Variants in CLASP1 observed in about 807,000 individuals in gnomAD.
The protein encoded by CLASP1 is cytoplasmic linker associated protein 1, also known as CLIP-associating protein 1.
In CLASP1, 38 loss-of-function variants were observed where a neutral mutation model predicts 192.3. The observed-to-expected ratio is 0.20, with a 90% CI of 0.15 to 0.26. The LOEUF is 0.26. CLASP1 is among the 10% of genes least tolerant of loss of function. CLASP1 has a pLI of 1.00. For missense variants in CLASP1, 1,433 were observed against 1,932.5 expected (o/e 0.74, Z 4.85); for synonymous variants, 691 against 712.8 (o/e 0.97, Z 0.49).
At chr2:121,413,273 C>CA (rs532114564) in intron 23 of CLASP1, among the ~76,000 whole-genome samples, 40 of 151,858 alleles carry the variant, frequency 2.6e-4, no homozygotes, top group African/African-American at 9.2e-4. Flanking sequence ...AAACAAAAAA[C>CA]AAAAACAAAC....
At chr2:121,370,094 A>C (rs2068296357) in intron 34 of CLASP1, among the ~76,000 whole-genome samples, 1 of 152,182 alleles carries the variant, frequency 6.6e-6, no homozygotes, top group Non-Finnish European at 1.5e-5. Context: ...CTTTCTCCCT[A>C]TGTTGAATGT....
At position 121,387,166 on chromosome 2, in the gene CLASP1, G is replaced by A. The variant is rs376854683; in HGVS notation, c.3330C>T (p.Pro1110=). 44 of 1,613,626 alleles carry A rather than the reference G, an allele frequency of 2.7e-5. No homozygotes were observed. In the African/African-American group the frequency reaches 5.5e-4, roughly 20 times the overall value. The change falls in exon 32 of 40, where the codon CCC becomes CCT. Residue 1110 remains proline, a synonymous_variant. Transcript: ENST00000263710. ...GGGAACAGTTGGTGGGTGAGGTCAGGGGGCTGGTCCTGCTGCTGGTGTGTC... is the reference window on the plus strand; with the variant it reads ...GGGAACAGTTGGTGGGTGAGGTCAGAGGGCTGGTCCTGCTGCTGGTGTGTC...
At chr2:121,408,595 C>T (rs866835877) in intron 24 of CLASP1, among the ~76,000 whole-genome samples, 1 of 152,252 alleles carries the variant, frequency 6.6e-6, no homozygotes. Context: ...ACTGTTCTGC[C>T]TTAAGCTTAT....
chr2:121,383,279 G>A (rs961700104), intron 32 of CLASP1, among the ~76,000 whole-genome samples: 1 of 152,220 alleles, frequency 6.6e-6, no homozygotes, highest in African/African-American at 2.4e-5. Context: ...GCCTCTGCAT[G>A]CTAGTCTCCC....
In CLASP1 at chr2:121,488,018, T is replaced by C. The variant is rs540585517; in HGVS notation, c.712+15149A>G. 1.8e-4 allele frequency among the ~76,000 whole-genome samples: 28 copies of C among 152,306 alleles called. 1 individual carries two copies. The highest frequency in any genetic ancestry group is 6.5e-4 in the African/African-American group (27 of 41,542). On this transcript the variant is annotated intron_variant, in intron 8 of 39. Transcript: ENST00000263710. The stretch of plus-strand genomic sequence containing the variant: ...CCCACTGTTGTTTTGTTTTGCTTTT[T>C]CTTTGATTTTTTCAACCACTTCCTT...
intron 37 of CLASP1, among the ~76,000 whole-genome samples, chr2:121,361,417 T>C (rs937384817): frequency 6.6e-6 from 1 of 152,258 alleles, no homozygotes; most frequent in Non-Finnish European, 1.5e-5. Flanking sequence ...TTAAAAAAGT[T>C]AGCACATGCC....
intron 2 of CLASP1, chr2:121,531,125 T>C (rs1575727487): frequency 3.2e-6 from 2 of 625,268 alleles, no homozygotes; most frequent in South Asian, 1.7e-5. Flanking sequence ...GTGTCGCAAG[T>C]AAAGTTCTTT....
chr2:121,457,825 T>C, intron 13 of CLASP1, 68 bp from the exon 14 acceptor site: 1 of 1,132,580 alleles, frequency 8.8e-7, no homozygotes, highest in Non-Finnish European at 1.3e-6. Context: ...ATTAAGAGAA[T>C]CACTTCCTTA....
chr2:121,474,575 A>G (rs904565877), intron 8 of CLASP1, among the ~76,000 whole-genome samples: 7 of 152,172 alleles, frequency 4.6e-5, no homozygotes, highest in South Asian at 4.1e-4. Flanking sequence ...TCTCTACTAA[A>G]CATACAAAAA....
At chr2:121,577,754 A>G (rs1375501731) in intron 2 of CLASP1, among the ~76,000 whole-genome samples, 1 of 152,208 alleles carries the variant, frequency 6.6e-6, no homozygotes, top group Non-Finnish European at 1.5e-5. Context: ...CAATTATCAC[A>G]AGATCTGGCA....
chr2:121,646,237 C>T (rs1257332334), intron 1 of CLASP1, among the ~76,000 whole-genome samples: 1 of 152,154 alleles, frequency 6.6e-6, no homozygotes, highest in Non-Finnish European at 1.5e-5. Flanking sequence ...CTCATCCCCC[C>T]AAGTAGTTGG....
In CLASP1 at chr2:121,357,017, G is replaced by A. The variant is rs192911547; in HGVS notation, c.4206+6155C>T. On this transcript the variant is annotated intron_variant, in intron 37 of 39. Transcript: ENST00000263710. ...CATCAGATGGGAAGCTGGGCAGCAC[G>A]TTTAAGGCTTCTCTTTGGCATTCTA... 2.1e-3 allele frequency among the ~76,000 whole-genome samples: 325 copies of A among 152,286 alleles called. 1 individual carries two copies. The highest frequency in any genetic ancestry group is 7.3e-3 in the African/African-American group (305 of 41,558).
Position 121,611,710 on chromosome 2 carries a change from G to A in CLASP1, c.-285-5530C>T, listed in dbSNP as rs567653989. ...GGAGTTGGAGGAGTTACAGGAGGAA[G>A]AAGAACTGGAGGAGGAGGTGTTGGA... is the stretch of plus-strand genomic sequence containing the variant. On this transcript the variant is annotated intron_variant, in intron 1 of 39. Transcript: ENST00000263710. Among the ~76,000 whole-genome samples the A allele has an allele frequency of 4.0e-4, 60 of 149,148 alleles. 1 individual carries two copies. Among genetic ancestry groups the A allele is most frequent in the Admixed American group, 3.7e-3 (56 of 14,956 alleles).
intron 8 of CLASP1, among the ~76,000 whole-genome samples, chr2:121,482,863 T>C (rs925104440): frequency 2.6e-5 from 4 of 152,124 alleles, no homozygotes; most frequent in Non-Finnish European, 4.4e-5. Flanking sequence ...TCCAGACATA[T>C]GTGTGTTAGT....
chr2:121,622,946 A>G (rs1188266470), intron 1 of CLASP1, among the ~76,000 whole-genome samples: 1 of 152,138 alleles, frequency 6.6e-6, no homozygotes, highest in Non-Finnish European at 1.5e-5. Flanking sequence ...TGTTTTGGTC[A>G]AGCGCAGTGG....
chr2:121,547,394 C>G (rs1559579785), intron 2 of CLASP1, among the ~76,000 whole-genome samples: 1 of 151,998 alleles, frequency 6.6e-6, no homozygotes, highest in African/African-American at 2.4e-5. Context: ...GCCCACCCAC[C>G]CCCCTACTCT....
chr2:121,418,487 T>G, intron 23 of CLASP1, 135 bp downstream of exon 23: 1 of 666,282 alleles, frequency 1.5e-6, no homozygotes. Flanking sequence ...AAGGGGTAAC[T>G]AAGGAAGAGG....
In CLASP1 at chr2:121,400,407, G is replaced by A. The variant is rs964360433; in HGVS notation, c.2900+1102C>T. ...TAGAGGAACAGACGCATACTTTGAAGTCAGAGTCATGTAAAAGCTGCACGC... is the reference window on the plus strand; with the variant it reads ...TAGAGGAACAGACGCATACTTTGAAATCAGAGTCATGTAAAAGCTGCACGC... On this transcript the variant is annotated intron_variant, in intron 28 of 39. Coordinates refer to ENST00000263710, the Ensembl canonical transcript of CLASP1. 3.3e-5 allele frequency among the ~76,000 whole-genome samples: 5 copies of A among 152,168 alleles called. No individual in the cohort carries two copies. The East Asian group carries it at 7.7e-4, about 23-fold the overall frequency.
At chr2:121,471,110 C>T (rs1037009660) in intron 8 of CLASP1, among the ~76,000 whole-genome samples, 2 of 152,094 alleles carry the variant, frequency 1.3e-5, no homozygotes, top group African/African-American at 4.8e-5. Flanking sequence ...TAGCAAGATC[C>T]TGTCTCTTAA....
Sources: allele counts gnomAD v4.1 joint callset (sites outside exome capture counted in the v4.1 genomes callset), GRCh38; gene constraint gnomAD v4.1.1; transcripts MANE v1.5; gene names NCBI Gene and HGNC (gene_info 2026-07-23, HGNC 2026-07-21).